The following DNAH11 variants were observed in gnomAD, a reference collection of about 807,000 sequenced individuals.
DNAH11 encodes the protein axonemal beta dynein heavy chain 11.
In DNAH11, 442 loss-of-function variants were observed where a neutral mutation model predicts 526.0. That is an observed-to-expected ratio of 0.84 (90% CI 0.78 to 0.91). DNAH11 has a LOEUF of 0.91. Among genes scored for constraint, DNAH11 ranks in the 40% least tolerant of loss-of-function variants. The pLI is 0.00. For missense variants in DNAH11, 6,989 were observed against 5,448.7 expected, an observed-to-expected ratio of 1.28 and a Z score of -8.90; for synonymous variants, 2,461 against 1,935.9, an observed-to-expected ratio of 1.27 and a Z score of -7.12.
chr7:21,816,316 T>C (rs1265249316), intron 63 of DNAH11, 151 bp from the exon 64 acceptor site: 1 of 636,726 alleles, frequency 1.6e-6, no homozygotes, highest in East Asian at 2.7e-5. Flanking sequence ...TTGCATCTAA[T>C]GATGAGTTGT....
intron 75 of DNAH11, among the ~76,000 whole-genome samples, chr7:21,883,200 A>G (rs1783989214): frequency 6.6e-6 from 1 of 152,246 alleles, no homozygotes; most frequent in East Asian, 1.9e-4. Flanking sequence ...CTGTCACATC[A>G]CGCAACAAGC....
At chr7:21,741,791 C>G in intron 48 of DNAH11, 136 bp from the exon 49 acceptor site, 4 of 984,958 alleles carry the variant, frequency 4.1e-6, no homozygotes, top group East Asian at 5.2e-5. Context: ...ATGGCCAACC[C>G]CAGAGTCAGA....
intron 30 of DNAH11, among the ~76,000 whole-genome samples, chr7:21,680,493 A>T (rs891122392): frequency 6.6e-6 from 1 of 152,230 alleles, no homozygotes; most frequent in Admixed American, 6.5e-5. Context: ...CTCTCTGACC[A>T]CAATTCACCA....
In DNAH11 at chr7:21,711,852, C is replaced by G. The variant is rs539750151; in HGVS notation, c.6975C>G (p.Gly2325=). ...TGTATGTGAACCCACAAGATCTGGG[C>G]TGGAATCCGTGAGTATTTCTTTTTG... ...GILYVNPQDL[G]WNPYVASWID... is the part of the protein sequence containing the mutation. Residue 2325 remains glycine (G), a synonymous_variant, in exon 42 of 82, where the codon GGC becomes GGG. Coordinates refer to ENST00000409508, the MANE Select transcript of DNAH11 (RefSeq NM_001277115.2). 1 of 1,611,984 alleles carries G rather than the reference C, an allele frequency of 6.2e-7. No individual in the cohort carries two copies. Among genetic ancestry groups the G allele is most frequent in the South Asian group, 1.1e-5 (1 of 90,882 alleles).
chr7:21,896,796 G>C (rs939113256), intron 79 of DNAH11, among the ~76,000 whole-genome samples: 6 of 152,160 alleles, frequency 3.9e-5, no homozygotes, highest in African/African-American at 1.4e-4. Flanking sequence ...GTTGGGCGCA[G>C]TGGCTCATGC....
intron 30 of DNAH11, among the ~76,000 whole-genome samples, chr7:21,677,478 G>C (rs182420740): frequency 6.6e-6 from 1 of 152,184 alleles, no homozygotes; most frequent in Non-Finnish European, 1.5e-5. Context: ...ACATCTCAGA[G>C]TCAAGCGATT....
chr7:21,729,370 A>T (rs1353547510), intron 45 of DNAH11, among the ~76,000 whole-genome samples: 1 of 152,194 alleles, frequency 6.6e-6, no homozygotes, highest in Non-Finnish European at 1.5e-5. Context: ...TAATTTCTTT[A>T]TGGAGTCGTT....
intron 53 of DNAH11, 71 bp from the exon 54 acceptor site, chr7:21,750,151 A>T: frequency 1.4e-6 from 2 of 1,468,408 alleles, no homozygotes; most frequent in Non-Finnish European, 1.8e-6. Context: ...AACATTTCAA[A>T]CGTTTAAAAG....
intron 30 of DNAH11, among the ~76,000 whole-genome samples, chr7:21,681,241 A>T (rs879443444): frequency 5.9e-5 from 9 of 152,078 alleles, no homozygotes; most frequent in Non-Finnish European, 1.3e-4. Flanking sequence ...AGCCTGACCA[A>T]AATGGTGAAA....
At chr7:21,841,108 C>G (rs1782187209) in intron 65 of DNAH11, among the ~76,000 whole-genome samples, 1 of 152,114 alleles carries the variant, frequency 6.6e-6, no homozygotes, top group South Asian at 2.1e-4. Flanking sequence ...GACTTGAACC[C>G]AGGAGGTGGA....
chr7:21,570,287 A>C lies in DNAH11; in HGVS notation c.1413A>C (p.Leu471Phe). ...FCRFDKFLDR[L>F]IKIEDIFATT... ...GATTTGACAAGTTTCTTGATCGTTT[A>C]ATAAAAATAGAGGTATTCATTTTTT... Residue 471 changes from leucine (L) to phenylalanine (F), a missense_variant, in exon 7 of 82, where the codon TTA becomes TTC. Leu to Phe is a conservative substitution (Grantham distance 22). Transcript: ENST00000409508. The C allele has an allele frequency of 6.2e-7, 1 of 1,604,412 alleles. No homozygotes were observed. The highest frequency in any genetic ancestry group is 2.2e-5 in the East Asian group (1 of 44,792).
At chr7:21,846,045 T>C (rs1030360243) in intron 66 of DNAH11, among the ~76,000 whole-genome samples, 14 of 152,180 alleles carry the variant, frequency 9.2e-5, no homozygotes, top group African/African-American at 2.9e-4. Context: ...TTAAAGCTGG[T>C]GTATAGAAGA....
In DNAH11 at chr7:21,721,152, C is replaced by T. The variant is rs562105318; in HGVS notation, c.7266+296C>T. The stretch of plus-strand genomic sequence containing the variant: ...GCATGCTGTTCTACAAGAAGCCCCA[C>T]TCAGTGTGCCTGAGACAGATCTCCT... On this transcript the variant is annotated intron_variant, in intron 44 of 81. Coordinates refer to ENST00000409508, the MANE Select transcript of DNAH11 (RefSeq NM_001277115.2). Among the ~76,000 whole-genome samples, 8 of 152,320 alleles carry T rather than the reference C, an allele frequency of 5.3e-5. No individual in the cohort carries two copies. The South Asian group carries it at 1.5e-3, about 28-fold the overall frequency.
intron 76 of DNAH11, among the ~76,000 whole-genome samples, chr7:21,889,290 C>T (rs1034242740): frequency 3.9e-5 from 6 of 152,204 alleles, no homozygotes; most frequent in African/African-American, 1.4e-4. Context: ...TTGTTTATCT[C>T]ATCTGTCAGT....
intron 65 of DNAH11, among the ~76,000 whole-genome samples, chr7:21,827,789 T>C (rs1790373442): frequency 1.3e-5 from 2 of 152,146 alleles, no homozygotes; most frequent in African/African-American, 4.8e-5. Flanking sequence ...ACTATTATTA[T>C]GTTTCTGTTC....
chr7:21,639,094 A>G, intron 28 of DNAH11, 29 bp downstream of exon 28: 2 of 1,596,574 alleles, frequency 1.3e-6, no homozygotes, highest in African/African-American at 1.3e-5. Context: ...GTCTCGTATT[A>G]TACTGTGTTA....
intron 66 of DNAH11, among the ~76,000 whole-genome samples, chr7:21,850,078 C>T (rs768626899): frequency 1.5e-4 from 22 of 151,420 alleles, no homozygotes; most frequent in Non-Finnish European, 2.8e-4. Context: ...ATTCTTCAGC[C>T]GGGCACGGTG....
chr7:21,866,525 C>G lies in DNAH11; in HGVS notation c.11552C>G (p.Ala3851Gly). The G allele has an allele frequency of 3.7e-6, 6 of 1,613,726 alleles. No individual in the cohort carries two copies. The highest frequency in any genetic ancestry group is 1.3e-5 in the African/African-American group (1 of 74,982). Residue 3851 changes from alanine (A) to glycine (G), a missense_variant, in exon 71 of 82, where the codon GCC becomes GGC. By Grantham distance (60) the Ala-to-Gly change is moderately conservative. Transcript: ENST00000409508. ...ATAGACCGAGATGTGGAAGGATCTG[C>G]CAAGCAGTGGAGGAAGTGGGTAGAA... ...RGIDRDVEGS[A>G]KQWRKWVESE...
intron 2 of DNAH11, among the ~76,000 whole-genome samples, chr7:21,546,387 A>AT (rs1782807239): frequency 6.6e-6 from 1 of 152,208 alleles, no homozygotes; most frequent in Admixed American, 6.5e-5. Flanking sequence ...AATTTTTGGT[A>AT]TGCAGCAGGT....
Sources: allele counts gnomAD v4.1 joint callset (sites outside exome capture counted in the v4.1 genomes callset), GRCh38; gene constraint gnomAD v4.1.1; transcripts MANE v1.5; gene names NCBI Gene and HGNC (gene_info 2026-07-23, HGNC 2026-07-21).